Variants in ALDH3B2 observed in about 807,000 individuals in gnomAD.
The protein encoded by ALDH3B2 is aldehyde dehydrogenase 3 family member B2, also known as aldehyde dehydrogenase family 3 member B2.
A neutral mutation model predicts 36.7 loss-of-function variants in ALDH3B2; 45 were observed. The ratio of observed to expected loss-of-function variants is 1.23; its 90% CI spans 0.97 to 1.57. The LOEUF (loss-of-function observed/expected upper bound fraction) is 1.57, where lower values mean the gene tolerates loss of function less well. ALDH3B2 is among the 40% of genes most tolerant of loss of function. The pLI, the probability that ALDH3B2 is intolerant of heterozygous loss-of-function variation, is 0.00. For missense variants in ALDH3B2, 464 were observed against 513.3 expected (o/e 0.90, Z 0.93); for synonymous variants, 217 against 226.5 (o/e 0.96, Z 0.38).
chr11:67,669,816 G>C (rs1856041284), intron 1 of ALDH3B2, among the ~76,000 whole-genome samples: 2 of 136,722 alleles, frequency 1.5e-5, no homozygotes, highest in Non-Finnish European at 3.2e-5. Context: ...ACGTGTGTCT[G>C]TGTGTGTATG....
intron 1 of ALDH3B2, 37 bp downstream of exon 1, chr11:67,674,398 TC>T (rs1384013150): frequency 2.0e-5 from 3 of 152,742 alleles, no homozygotes; most frequent in Admixed American, 1.3e-4. Flanking sequence ...TACCCTGAGC[TC>T]CCTCTGCCCG....
At chr11:67,666,659 T>A (rs1431188123) in exon 4 of ALDH3B2, 2 of 1,613,696 alleles carry the variant, frequency 1.2e-6, no homozygotes, top group Non-Finnish European at 1.7e-6. Flanking sequence ...GGCCAAAGGG[T>A]TCCTTCCAGA....
upstream of ALDH3B2, among the ~76,000 whole-genome samples, chr11:67,678,660 T>C (rs1856313124): frequency 6.7e-6 from 1 of 149,432 alleles, no homozygotes; most frequent in South Asian, 2.1e-4. Context: ...TACACTATGA[T>C]ATATATATAC....
chr11:67,672,655 T>C (rs1322988908), intron 1 of ALDH3B2, among the ~76,000 whole-genome samples: 1 of 151,448 alleles, frequency 6.6e-6, no homozygotes, highest in Non-Finnish European at 1.5e-5. Context: ...ACTGGCATGA[T>C]CTCGGCTCAC....
At position 67,664,566 on chromosome 11, in the gene ALDH3B2, C is replaced by T. The variant is rs751015945; in HGVS notation, c.707-4G>A. On this transcript the variant is annotated splice_polypyrimidine_tract_variant and splice_region_variant and intron_variant, in intron 7 of 9. Coordinates refer to ENST00000349015, the Ensembl canonical transcript of ALDH3B2. The stretch of plus-strand genomic sequence containing the variant: ...ACGTCCACCAGCACCGTGGGGGCTG[C>T]GGGCACCAGAGACGGCTCAGCCCTG... 22 of 1,612,724 alleles carry T rather than the reference C, an allele frequency of 1.4e-5. No homozygotes were observed. The highest frequency in any genetic ancestry group is 1.8e-5 in the Non-Finnish European group (21 of 1,179,922).
chr11:67,664,336 A>G (rs1414468615), intron 8 of ALDH3B2, 60 bp downstream of exon 8: 3 of 1,608,126 alleles, frequency 1.9e-6, no homozygotes, highest in East Asian at 2.2e-5. Context: ...GTGAAAGGAA[A>G]GGTGCCAGTC....
intron 1 of ALDH3B2, among the ~76,000 whole-genome samples, chr11:67,669,682 G>T (rs978244300): frequency 6.6e-6 from 1 of 150,714 alleles, no homozygotes; most frequent in Non-Finnish European, 1.5e-5. Flanking sequence ...GTCTGTATGT[G>T]TATGGGTGTC....
At position 67,665,684 on chromosome 11, in the gene ALDH3B2, G is replaced by A. The variant is rs938624307; in HGVS notation, c.320-13C>T. The A allele has an allele frequency of 1.3e-6, 2 of 1,591,336 alleles. No homozygotes were observed. Among genetic ancestry groups the A allele is most frequent in the African/African-American group, 1.3e-5 (1 of 74,592 alleles). On this transcript the variant is annotated splice_polypyrimidine_tract_variant and intron_variant, in intron 6 of 9. Coordinates refer to ENST00000349015, the Ensembl canonical transcript of ALDH3B2. The stretch of plus-strand genomic sequence containing the variant: ...ACACGAGGGCTCCCTGGGCGTGGAA[G>A]GAAACCAGAGTGGCCAGTCAGTGAC...
At chr11:67,669,563 T>A (rs966570897) in intron 1 of ALDH3B2, among the ~76,000 whole-genome samples, 1 of 151,584 alleles carries the variant, frequency 6.6e-6, no homozygotes, top group Non-Finnish European at 1.5e-5. Flanking sequence ...GGTGTCTGTG[T>A]GTCTGTGTGT....
intron 1 of ALDH3B2, among the ~76,000 whole-genome samples, chr11:67,672,128 G>A (rs1419265107): frequency 0.022 from 866 of 39,230 alleles, 59 homozygotes; most frequent in African/African-American, 0.051. Context: ...GTGTGTGTGT[G>A]TGTGTGTATA....
chr11:67,666,962 A>C (rs772103224), exon 3 of ALDH3B2: 1 of 1,613,996 alleles, frequency 6.2e-7, no homozygotes, highest in African/African-American at 1.3e-5. Context: ...TTGAGAGCGT[A>C]GTCAACCTCG....
At chr11:67,666,972 G>T (rs371504590) in exon 3 of ALDH3B2, 2 of 1,613,312 alleles carry the variant, frequency 1.2e-6, no homozygotes, top group South Asian at 1.1e-5. Flanking sequence ...AGTCAACCTC[G>T]TTCTGGCAAA....
chr11:67,681,011 G>A (rs180860359), intron 1 of ALDH3B2, among the ~76,000 whole-genome samples: 29 of 152,294 alleles, frequency 1.9e-4, no homozygotes, highest in Admixed American at 2.0e-4. Flanking sequence ...TAAACAGCTG[G>A]GCAAAGGACA....
chr11:67,662,977 T>C, exon 10 of ALDH3B2: 1 of 522,342 alleles, frequency 1.9e-6, no homozygotes, highest in Non-Finnish European at 3.3e-6. Flanking sequence ...GAGGGTGGGG[T>C]GAGTGAGGAC....
chr11:67,663,869 C>T, intron 8 of ALDH3B2, 108 bp from the exon 9 acceptor site: 1 of 866,030 alleles, frequency 1.2e-6, no homozygotes, highest in African/African-American at 1.7e-5. Context: ...GCCCCTCCAC[C>T]CTCTAACGGG....
upstream of ALDH3B2, chr11:67,674,761 G>A (rs1156411983): frequency 6.6e-6 from 1 of 152,400 alleles, no homozygotes; most frequent in Non-Finnish European, 1.5e-5. Flanking sequence ...CTGCCCCCAG[G>A]GACCACACTG....
intron 7 of ALDH3B2, among the ~76,000 whole-genome samples, 154 bp downstream of exon 7, chr11:67,665,131 G>A (rs1855859873): frequency 6.6e-6 from 1 of 152,204 alleles, no homozygotes; most frequent in Non-Finnish European, 1.5e-5. Context: ...GAAGCACAGA[G>A]ACGGAATCGT....
chr11:67,663,839 G>C (rs996647969), intron 8 of ALDH3B2, 78 bp from the exon 9 acceptor site: 11 of 1,294,318 alleles, frequency 8.5e-6, no homozygotes, highest in African/African-American at 1.5e-5. Flanking sequence ...CCACAGCGGA[G>C]GTGAGCCTCA....
exon 2 of ALDH3B2, chr11:67,667,565 C>T (rs896283791): frequency 1.6e-5 from 6 of 381,674 alleles, no homozygotes; most frequent in East Asian, 4.6e-5. Context: ...GCCCGGAACT[C>T]GGCCGGCCGC....
Sources: gnomAD v4.1 joint callset for allele counts (sites outside exome capture counted in the v4.1 genomes callset) on GRCh38, gnomAD v4.1.1 for gene constraint, MANE v1.5 for transcripts, NCBI Gene and HGNC (gene_info 2026-07-23, HGNC 2026-07-21) for gene names.